The following UBTD1 variants were observed in gnomAD, a reference collection of about 807,000 sequenced individuals.
UBTD1 encodes ubiquitin domain-containing protein 1.
Under a neutral mutation model 21.7 loss-of-function variants are expected in UBTD1, and 19 were observed. The ratio of observed to expected loss-of-function variants is 0.87; its 90% CI spans 0.61 to 1.28. UBTD1 has a LOEUF of 1.28. Ranked by LOEUF, UBTD1 falls within the 50% of genes most tolerant of loss-of-function variation. The probability of loss-of-function intolerance (pLI) is 0.00; values close to 1 mark genes in which losing one functional copy is unlikely to be tolerated. For synonymous variants in UBTD1, 116 were observed against 135.1 expected (o/e 0.86, Z 0.98); for missense variants, 282 against 315.1 (o/e 0.89, Z 0.80).
chr10:97,570,559 G>A lies in UBTD1; in HGVS notation c.*36G>A. The A allele has an allele frequency of 1.3e-6, 2 of 1,558,044 alleles. No homozygotes were observed. Among genetic ancestry groups the A allele is most frequent in the Non-Finnish European group, 1.7e-6 (2 of 1,146,288 alleles). On this transcript the variant is annotated 3_prime_UTR_variant, in exon 3 of 3. Coordinates refer to ENST00000370664, the MANE Select transcript of UBTD1 (RefSeq NM_024954.5). This position sits in a 1 kb window ranked among gnomAD's most constrained non-coding sequence, Gnocchi z 6.6. ...GACCCCTGGGAAGAGGCCCCGCCTG[G>A]AGCACTAGGCCCCCACCCTGCTGCT...
chr10:97,524,001 T>C (rs1834952302), intron 1 of UBTD1, among the ~76,000 whole-genome samples: 1 of 152,150 alleles, frequency 6.6e-6, no homozygotes, highest in Non-Finnish European at 1.5e-5. Context: ...TGAATGTTTG[T>C]GTGCATTTGG....
intron 1 of UBTD1, among the ~76,000 whole-genome samples, chr10:97,503,904 G>A (rs1209155137): frequency 6.6e-6 from 1 of 152,004 alleles, no homozygotes; most frequent in East Asian, 1.9e-4. Context: ...CTTCAGCCTT[G>A]GATATTCTGC....
At chr10:97,563,035 A>C (rs186242763) in intron 1 of UBTD1, among the ~76,000 whole-genome samples, 1 of 152,230 alleles carries the variant, frequency 6.6e-6, no homozygotes, top group East Asian at 1.9e-4. Context: ...ATTTGGGGGT[A>C]AAGGGTAATA....
intron 1 of UBTD1, among the ~76,000 whole-genome samples, chr10:97,539,930 T>C (rs1445925929): frequency 7.9e-5 from 1 of 12,708 alleles, no homozygotes; most frequent in African/African-American, 1.1e-4. Flanking sequence ...CTGGGATGCC[T>C]GTGCAGCCCG....
chr10:97,524,073 C>T lies in UBTD1; in HGVS notation c.70+24800C>T, dbSNP rs531011108. ...TGGCTTTTAAACCTGCCATGGGCTCCGAGGCTGCCCTCCCACCCTGATCAC... is the reference window on the plus strand; with the variant it reads ...TGGCTTTTAAACCTGCCATGGGCTCTGAGGCTGCCCTCCCACCCTGATCAC... On this transcript the variant is annotated intron_variant, in intron 1 of 2. Transcript: ENST00000370664. 3.9e-5 allele frequency among the ~76,000 whole-genome samples: 6 copies of T among 152,224 alleles called. No individual in the cohort carries two copies. The East Asian group carries it at 7.7e-4, about 20-fold the overall frequency.
At chr10:97,550,408 C>A (rs918549004) in intron 1 of UBTD1, among the ~76,000 whole-genome samples, 2 of 152,176 alleles carry the variant, frequency 1.3e-5, no homozygotes, top group Non-Finnish European at 2.9e-5. Flanking sequence ...ATTCCAGTCC[C>A]TGAAGTCACA....
intron 1 of UBTD1, among the ~76,000 whole-genome samples, chr10:97,517,782 G>T (rs2040450955): frequency 6.6e-6 from 1 of 152,126 alleles, no homozygotes; most frequent in African/African-American, 2.4e-5. Flanking sequence ...CAGGTGCCCA[G>T]GCCTCATGTC....
chr10:97,545,573 A>G (rs2040607101), intron 1 of UBTD1, among the ~76,000 whole-genome samples: 2 of 152,142 alleles, frequency 1.3e-5, no homozygotes, highest in South Asian at 2.1e-4. Flanking sequence ...CTTCTTGACT[A>G]TATTTGTGTG....
At chr10:97,530,460 A>G (rs966890401) in intron 1 of UBTD1, among the ~76,000 whole-genome samples, 1 of 152,208 alleles carries the variant, frequency 6.6e-6, no homozygotes, top group Non-Finnish European at 1.5e-5. Flanking sequence ...ACAAAAGCAT[A>G]CTTTATAGTG....
chr10:97,553,611 T>A (rs1379320628), intron 1 of UBTD1, among the ~76,000 whole-genome samples: 2 of 152,122 alleles, frequency 1.3e-5, no homozygotes, highest in East Asian at 3.9e-4. Context: ...CCTGGAGAAC[T>A]TGGTGAGTTG....
At position 97,548,294 on chromosome 10, in the gene UBTD1, C is replaced by T. The variant is rs17108055; in HGVS notation, c.71-19620C>T. On this transcript the variant is annotated intron_variant, in intron 1 of 2. Coordinates refer to ENST00000370664, the MANE Select transcript of UBTD1 (RefSeq NM_024954.5). ...CAGAGCTGCTAACGCTGGAACTGCTCGTATTCAAGCCAGGACTCTGGCTGC... is the reference window on the plus strand; with the variant it reads ...CAGAGCTGCTAACGCTGGAACTGCTTGTATTCAAGCCAGGACTCTGGCTGC... 7.3e-3 allele frequency among the ~76,000 whole-genome samples: 1,107 copies of T among 152,314 alleles called. 16 individuals carry two copies. Among genetic ancestry groups the T allele is most frequent in the African/African-American group, 0.025 (1,056 of 41,562 alleles).
chr10:97,566,820 G>C (rs2040719123), intron 1 of UBTD1, among the ~76,000 whole-genome samples: 1 of 152,072 alleles, frequency 6.6e-6, no homozygotes, highest in Non-Finnish European at 1.5e-5. Context: ...TCACTCCTGT[G>C]GCTCACTCTG....
intron 1 of UBTD1, among the ~76,000 whole-genome samples, chr10:97,525,747 C>T (rs1470090445): frequency 6.6e-6 from 1 of 152,188 alleles, no homozygotes; most frequent in East Asian, 1.9e-4. Flanking sequence ...TGGCCTTGTG[C>T]ATTGTCTGTC....
chr10:97,553,166 T>C (rs7077976), intron 1 of UBTD1, among the ~76,000 whole-genome samples: 87,493 of 152,150 alleles, frequency 0.58, 27,504 homozygotes, highest in Non-Finnish European at 0.73. Context: ...AGTTTCACTC[T>C]TGTTGCCCAG....
intron 1 of UBTD1, among the ~76,000 whole-genome samples, chr10:97,521,031 G>A (rs973293163): frequency 2.0e-5 from 3 of 152,160 alleles, no homozygotes; most frequent in African/African-American, 4.8e-5. Flanking sequence ...GAGAGAGGAG[G>A]GAGATCTGCT....
At chr10:97,545,664 G>A (rs956635561) in intron 1 of UBTD1, among the ~76,000 whole-genome samples, 2 of 152,212 alleles carry the variant, frequency 1.3e-5, no homozygotes, top group Non-Finnish European at 2.9e-5. Flanking sequence ...AATGCTTAAG[G>A]CATTTGCCCA....
chr10:97,513,948 GC>G (rs954414446), intron 1 of UBTD1, among the ~76,000 whole-genome samples: 28 of 151,884 alleles, frequency 1.8e-4, no homozygotes, highest in Admixed American at 1.0e-3. Flanking sequence ...CTGGCCACAA[GC>G]ACTTCTCCCA....
intron 1 of UBTD1, among the ~76,000 whole-genome samples, chr10:97,535,968 AATT>A (rs760908517): frequency 2.2e-3 from 197 of 90,166 alleles, no homozygotes; most frequent in African/African-American, 4.6e-3. Flanking sequence ...GTTGGAGAGA[AATT>A]ATTATTATTA....
Position 97,560,588 on chromosome 10 carries a change from T to C in UBTD1, c.71-7326T>C, listed in dbSNP as rs1213413648. The stretch of plus-strand genomic sequence containing the variant: ...TGGGTGCCTTGGCTTACAGGTTACC[T>C]TGTGTCATACCTTTGAAACAAGGGA... On this transcript the variant is annotated intron_variant, in intron 1 of 2. Transcript: ENST00000370664. Among the ~76,000 whole-genome samples the C allele has an allele frequency of 4.6e-5, 7 of 152,278 alleles. No homozygotes were observed. In the South Asian group the frequency reaches 1.5e-3, roughly 32 times the overall value.
Sources: gnomAD v4.1 joint callset for allele counts (sites outside exome capture counted in the v4.1 genomes callset) on GRCh38, gnomAD v4.1.1 for gene constraint, Gnocchi (gnomAD v3.1) non-coding constraint, MANE v1.5 for transcripts, NCBI Gene and HGNC (gene_info 2026-07-23, HGNC 2026-07-21) for gene names.